C1QTNF3: variants seen among roughly 807,000 people sequenced by gnomAD.
The protein encoded by C1QTNF3 is complement C1q tumor necrosis factor-related protein 3.
A neutral mutation model predicts 32.6 loss-of-function variants in C1QTNF3; 26 were observed. The observed-to-expected ratio is 0.80, with a 90% CI of 0.58 to 1.11. C1QTNF3 has a LOEUF of 1.11. Ranked by LOEUF, C1QTNF3 falls within the 50% of genes least tolerant of loss-of-function variation. The pLI, the probability that C1QTNF3 is intolerant of heterozygous loss-of-function variation, is 0.00. For missense variants in C1QTNF3, 362 were observed against 398.2 expected, an observed-to-expected ratio of 0.91 and a Z score of 0.77; for synonymous variants, 155 against 146.0, an observed-to-expected ratio of 1.06 and a Z score of -0.44.
the C1QTNF3 span, among the ~76,000 whole-genome samples, chr5:34,157,267 T>C: frequency 6.6e-6 from 1 of 152,216 alleles, no homozygotes; most frequent in Non-Finnish European, 1.5e-5. Context: ...GCCACAACTG[T>C]ATAAAATATG....
the C1QTNF3 span, chr5:34,167,182 T>G: frequency 1.3e-5 from 2 of 152,182 alleles, no homozygotes; most frequent in African/African-American, 2.4e-5. Context: ...TCATCACGTT[T>G]TGGCTAGTCC....
the C1QTNF3 span, among the ~76,000 whole-genome samples, chr5:34,084,890 T>A: frequency 6.7e-6 from 1 of 149,046 alleles, no homozygotes; most frequent in African/African-American, 2.5e-5. Flanking sequence ...ACTTTTGGTG[T>A]TTTAGTCATT....
At chr5:34,065,365 A>G in the C1QTNF3 span, among the ~76,000 whole-genome samples, 7 of 152,266 alleles carry the variant, frequency 4.6e-5, no homozygotes, top group East Asian at 1.4e-3. Context: ...CAGAATGGCT[A>G]TTAAAAAGTC....
chr5:34,136,393 GA>G, the C1QTNF3 span, among the ~76,000 whole-genome samples: 2 of 152,150 alleles, frequency 1.3e-5, no homozygotes, highest in African/African-American at 4.8e-5. Context: ...ACAGACACAT[GA>G]AAAAATGCTC....
At chr5:34,212,157 G>T in the C1QTNF3 span, among the ~76,000 whole-genome samples, 3 of 151,700 alleles carry the variant, frequency 2.0e-5, no homozygotes, top group African/African-American at 7.3e-5. Context: ...ATGGGGAAAG[G>T]ATTCCCTATT....
At chr5:34,202,923 G>A in the C1QTNF3 span, among the ~76,000 whole-genome samples, 1 of 152,048 alleles carries the variant, frequency 6.6e-6, no homozygotes, top group African/African-American at 2.4e-5. Context: ...GTTCTAGTGT[G>A]AAATAATACA....
chr5:34,118,542 T>C, the C1QTNF3 span, among the ~76,000 whole-genome samples: 2,114 of 152,244 alleles, frequency 0.014, 47 homozygotes, highest in African/African-American at 0.049. Context: ...CATTTTGTTG[T>C]ACATAAGATC....
chr5:34,060,859 C>A, the C1QTNF3 span, among the ~76,000 whole-genome samples: 1 of 152,152 alleles, frequency 6.6e-6, no homozygotes, highest in African/African-American at 2.4e-5. Context: ...TCCATCCCAG[C>A]CCCTCCCAAA....
At chr5:34,122,588 A>G in the C1QTNF3 span, among the ~76,000 whole-genome samples, 1 of 152,218 alleles carries the variant, frequency 6.6e-6, no homozygotes, top group East Asian at 1.9e-4. Flanking sequence ...GCAAAGAGAA[A>G]AATGATTTAA....
At chr5:34,039,612 T>C (rs76891530) in intron 1 of C1QTNF3, among the ~76,000 whole-genome samples, 2,300 of 152,304 alleles carry the variant, frequency 0.015, 62 homozygotes, top group African/African-American at 0.053. Context: ...CATTGGGCTA[T>C]TGGGAAATCA....
chr5:34,217,949 T>C, the C1QTNF3 span, among the ~76,000 whole-genome samples: 1 of 151,990 alleles, frequency 6.6e-6, no homozygotes, highest in Non-Finnish European at 1.5e-5. Context: ...ATACACACTA[T>C]GGCTAACAAC....
the C1QTNF3 span, among the ~76,000 whole-genome samples, chr5:34,212,910 T>C: frequency 2.6e-5 from 4 of 151,772 alleles, no homozygotes; most frequent in Non-Finnish European, 1.5e-5. Flanking sequence ...ACTGGGTATA[T>C]ACCCAAAGGA....
At chr5:34,227,643 A>G in the C1QTNF3 span, among the ~76,000 whole-genome samples, 1 of 151,944 alleles carries the variant, frequency 6.6e-6, no homozygotes, top group East Asian at 1.9e-4. Flanking sequence ...GGAGTCAACT[A>G]TATATTATAA....
chr5:34,136,770 C>T, the C1QTNF3 span, among the ~76,000 whole-genome samples: 1 of 152,152 alleles, frequency 6.6e-6, no homozygotes, highest in African/African-American at 2.4e-5. Flanking sequence ...CAGTGATAGA[C>T]TGGATTAAGA....
At chr5:34,174,907 C>T in the C1QTNF3 span, among the ~76,000 whole-genome samples, 1 of 151,766 alleles carries the variant, frequency 6.6e-6, no homozygotes. Context: ...ACCACCACGC[C>T]CGGCTGATTT....
intron 2 of C1QTNF3, among the ~76,000 whole-genome samples, chr5:34,033,769 G>A (rs1475398419): frequency 6.6e-6 from 1 of 152,166 alleles, no homozygotes; most frequent in South Asian, 2.1e-4. Context: ...TACTAGGAGG[G>A]CATGACATAT....
At chr5:34,217,269 G>A in the C1QTNF3 span, among the ~76,000 whole-genome samples, 8 of 152,140 alleles carry the variant, frequency 5.3e-5, no homozygotes, top group East Asian at 1.2e-3. Context: ...AAGGCATTGC[G>A]TTTTTTGCCA....
chr5:34,101,200 C>T, the C1QTNF3 span, among the ~76,000 whole-genome samples: 4 of 150,810 alleles, frequency 2.7e-5, no homozygotes, highest in African/African-American at 9.7e-5. Flanking sequence ...ATCAACCCAC[C>T]ACCCAGAATG....
chr5:34,244,309 G>A, the C1QTNF3 span, among the ~76,000 whole-genome samples: 1 of 152,194 alleles, frequency 6.6e-6, no homozygotes, highest in African/African-American at 2.4e-5. Flanking sequence ...CCTTCTTGGT[G>A]AGTGTTACAG....
Sources: allele counts gnomAD v4.1 joint callset (sites outside exome capture counted in the v4.1 genomes callset), GRCh38; gene constraint gnomAD v4.1.1; transcripts MANE v1.5; gene names NCBI Gene and HGNC (gene_info 2026-07-23, HGNC 2026-07-21).